ZBTB7C: variants seen among roughly 807,000 people sequenced by gnomAD.
ZBTB7C encodes zinc finger and BTB domain-containing protein 7C.
ZBTB7C carries 8 observed loss-of-function variants against 25.7 expected under a neutral mutation model. That is an observed-to-expected ratio of 0.31 (90% confidence interval 0.18 to 0.56). The LOEUF is 0.56. Among genes scored for constraint, ZBTB7C ranks in the 20% least tolerant of loss-of-function variants. The pLI, the probability that ZBTB7C is intolerant of heterozygous loss-of-function variation, is 0.91. For missense variants in ZBTB7C, 824 were observed against 855.2 expected (o/e 0.96, Z 0.46); for synonymous variants, 394 against 369.0 (o/e 1.07, Z -0.78).
intron 1 of ZBTB7C, among the ~76,000 whole-genome samples, chr18:48,344,092 C>T (rs1011168552): frequency 2.6e-5 from 4 of 152,248 alleles, no homozygotes; most frequent in African/African-American, 9.6e-5. Context: ...TCAAGCTATT[C>T]TCCTGCCTCG....
In ZBTB7C at chr18:48,059,875, C is replaced by T. The variant is rs73953673; in HGVS notation, c.-16-18752G>A. ...GTCCCCAGTCCCCAGAGGTCCATCC[C>T]CCCACCCGCCCAGGCAGCTTCCCTA... On this transcript the variant is annotated intron_variant, in intron 3 of 4. Transcript: ENST00000590800. Among the ~76,000 whole-genome samples, 207 of 152,244 alleles carry T rather than the reference C, an allele frequency of 1.4e-3. 1 individual carries two copies. Among genetic ancestry groups the T allele is most frequent in the African/African-American group, 4.8e-3 (199 of 41,534 alleles).
At chr18:48,321,865 G>T (rs7234026) in intron 2 of ZBTB7C, among the ~76,000 whole-genome samples, 53,041 of 152,000 alleles carry the variant, frequency 0.35, 10,058 homozygotes, top group East Asian at 0.73. Context: ...TGAGCTGGAG[G>T]CTGTTTGGTA....
At chr18:48,088,278 A>G (rs2038271954) in intron 3 of ZBTB7C, 1 of 152,250 alleles carries the variant, frequency 6.6e-6, no homozygotes, top group South Asian at 2.1e-4. Context: ...CAACCAAATG[A>G]CAGAGTCTTC....
intron 1 of ZBTB7C, among the ~76,000 whole-genome samples, chr18:48,371,522 T>G (rs1568407255): frequency 6.6e-6 from 1 of 152,180 alleles, no homozygotes; most frequent in Non-Finnish European, 1.5e-5. Flanking sequence ...TGGCTGCCGG[T>G]TTTGGGACAT....
chr18:48,152,997 A>C (rs2040724749), intron 3 of ZBTB7C, among the ~76,000 whole-genome samples: 1 of 152,228 alleles, frequency 6.6e-6, no homozygotes, highest in South Asian at 2.1e-4. Context: ...GAAGCCAGGC[A>C]GGGTGGGTTC....
At chr18:48,329,983 G>A (rs935861495) in intron 2 of ZBTB7C, among the ~76,000 whole-genome samples, 4 of 152,180 alleles carry the variant, frequency 2.6e-5, no homozygotes, top group African/African-American at 7.2e-5. Context: ...CACCTTCCCC[G>A]AGTGGCAGAG....
chr18:48,230,946 G>A (rs1944571), intron 2 of ZBTB7C, among the ~76,000 whole-genome samples: 33,310 of 152,156 alleles, frequency 0.22, 3,820 homozygotes, highest in Admixed American at 0.33. Flanking sequence ...CAAGCCAGCT[G>A]GGTATGTGCA....
At chr18:48,184,846 T>C (rs1373283937) in intron 3 of ZBTB7C, among the ~76,000 whole-genome samples, 1 of 151,950 alleles carries the variant, frequency 6.6e-6, no homozygotes, top group Non-Finnish European at 1.5e-5. Context: ...TCTCTCTGTC[T>C]TTCTCATTCC....
chr18:48,097,424 TCTTGCTCTGTCGCCCA>T lies in ZBTB7C; in HGVS notation c.-16-56317_-16-56302del, dbSNP rs2038678561. 2.4e-5 allele frequency among the ~76,000 whole-genome samples: 3 copies of T among 124,214 alleles called. No homozygotes were observed. The Admixed American group carries it at 2.5e-4, about 10-fold the overall frequency. 81.5% of individuals were successfully genotyped at this position (124,214 alleles called of 152,430 possible). A position where few individuals can be genotyped will look rare whatever the true frequency, so the allele number is the denominator to read the frequency against. On this transcript the variant is annotated intron_variant, in intron 3 of 4. Transcript: ENST00000590800. ...TATTATTATTATTATTGAGACAGAG[TCTTGCTCTGTCGCCCA>T]GGCTGGAGTGCGGTGGCGCGATCTC...
intron 1 of ZBTB7C, among the ~76,000 whole-genome samples, chr18:48,400,907 C>T (rs949949592): frequency 2.0e-5 from 3 of 152,196 alleles, no homozygotes; most frequent in South Asian, 2.1e-4. Context: ...TGACCTGGCC[C>T]GTGCCCCATC....
intron 3 of ZBTB7C, among the ~76,000 whole-genome samples, chr18:48,181,808 A>AC (rs2041931693): frequency 6.6e-6 from 1 of 152,148 alleles, no homozygotes; most frequent in Admixed American, 6.5e-5. Context: ...GCCTTCAGTC[A>AC]CCCCCACAAT....
At position 48,095,008 on chromosome 18, in the gene ZBTB7C, A is replaced by C. The variant is rs116767205; in HGVS notation, c.-16-53885T>G. 8.3e-3 allele frequency among the ~76,000 whole-genome samples: 1,262 copies of C among 152,252 alleles called. 21 individuals are homozygous for C. Among genetic ancestry groups the C allele is most frequent in the African/African-American group, 0.029 (1,190 of 41,542 alleles). On this transcript the variant is annotated intron_variant, in intron 3 of 4. Coordinates refer to ENST00000590800, the MANE Select transcript of ZBTB7C (RefSeq NM_001318841.2). ...ATTTCACAGCACTTTTCAACCTGGCAAGGCATTTCTGGGTTATTCTTCTCA... is the reference window on the plus strand; with the variant it reads ...ATTTCACAGCACTTTTCAACCTGGCCAGGCATTTCTGGGTTATTCTTCTCA...
At chr18:48,307,663 C>T (rs1190642997) in intron 2 of ZBTB7C, among the ~76,000 whole-genome samples, 2 of 152,152 alleles carry the variant, frequency 1.3e-5, no homozygotes, top group African/African-American at 4.8e-5. Flanking sequence ...TGCTGGCCAA[C>T]GTGGTGAAAC....
chr18:48,042,268 G>A (rs2036281244), intron 3 of ZBTB7C, among the ~76,000 whole-genome samples: 1 of 151,386 alleles, frequency 6.6e-6, no homozygotes, highest in East Asian at 1.9e-4. Context: ...GCTGCTAAAA[G>A]CCTAAAACAA....
At chr18:48,307,418 C>A (rs2045701561) in intron 2 of ZBTB7C, among the ~76,000 whole-genome samples, 2 of 152,260 alleles carry the variant, frequency 1.3e-5, no homozygotes, top group Admixed American at 6.5e-5. Flanking sequence ...TTTGCCCAGG[C>A]CAGGGACTGG....
chr18:48,386,602 C>T (rs2047754699), intron 1 of ZBTB7C, among the ~76,000 whole-genome samples: 1 of 152,196 alleles, frequency 6.6e-6, no homozygotes, highest in African/African-American at 2.4e-5. Context: ...CAAAAACAAC[C>T]TTGAGTGTAG....
intron 3 of ZBTB7C, among the ~76,000 whole-genome samples, chr18:48,118,609 A>C (rs2039525364): frequency 6.6e-6 from 1 of 152,122 alleles, no homozygotes; most frequent in African/African-American, 2.4e-5. Flanking sequence ...CAGAATATTC[A>C]CTCTAGTGCC....
intron 2 of ZBTB7C, among the ~76,000 whole-genome samples, chr18:48,213,984 C>T (rs1022971437): frequency 6.6e-5 from 10 of 152,202 alleles, no homozygotes; most frequent in African/African-American, 1.7e-4. Context: ...TGCTTGGACA[C>T]GCATCAGCCT....
intron 2 of ZBTB7C, among the ~76,000 whole-genome samples, chr18:48,327,695 G>A (rs1283447744): frequency 6.6e-6 from 1 of 152,168 alleles, no homozygotes; most frequent in South Asian, 2.1e-4. Flanking sequence ...GAGGATGGAG[G>A]CTTCAGCTGT....
Sources: allele counts gnomAD v4.1 joint callset (sites outside exome capture counted in the v4.1 genomes callset), GRCh38; gene constraint gnomAD v4.1.1; transcripts MANE v1.5; gene names NCBI Gene and HGNC (gene_info 2026-07-23, HGNC 2026-07-21).